Variants in CCDC171 observed in about 807,000 individuals in gnomAD.
CCDC171 encodes coiled-coil domain containing 171.
A neutral mutation model predicts 168.2 loss-of-function variants in CCDC171; 177 were observed. The observed-to-expected ratio is 1.05, with a 90% CI of 0.93 to 1.19. CCDC171 has a LOEUF of 1.19. Among genes scored for constraint, CCDC171 ranks in the 50% most tolerant of loss-of-function variants. The pLI is 0.00. For missense variants in CCDC171, 1,991 were observed against 1,539.0 expected (o/e 1.29, Z -4.91); for synonymous variants, 687 against 540.8 (o/e 1.27, Z -3.75).
At chr9:15,876,824 C>T (rs890123122) in intron 24 of CCDC171, among the ~76,000 whole-genome samples, 1 of 151,938 alleles carries the variant, frequency 6.6e-6, no homozygotes, top group Non-Finnish European at 1.5e-5. Flanking sequence ...TAACTTTGTA[C>T]TCTGACTCTG....
the CCDC171 span, among the ~76,000 whole-genome samples, chr9:16,082,922 T>G: frequency 2.6e-5 from 4 of 152,228 alleles, no homozygotes; most frequent in African/African-American, 9.6e-5. Context: ...CACTCCAACC[T>G]TATACTCACA....
At chr9:16,040,305 C>T (rs1234359215), upstream of CCDC171, among the ~76,000 whole-genome samples, 1 of 152,186 alleles carries the variant, frequency 6.6e-6, no homozygotes, top group Non-Finnish European at 1.5e-5. Flanking sequence ...CACACCTCCC[C>T]AGTGAAGGGA....
At chr9:15,641,355 C>G (rs2046588891) in intron 7 of CCDC171, among the ~76,000 whole-genome samples, 1 of 152,116 alleles carries the variant, frequency 6.6e-6, no homozygotes, top group Non-Finnish European at 1.5e-5. Context: ...TTCTTCTTGA[C>G]TAATTGTTTT....
At chr9:15,577,482 A>G (rs915644614) in intron 3 of CCDC171, among the ~76,000 whole-genome samples, 1 of 152,238 alleles carries the variant, frequency 6.6e-6, no homozygotes, top group Admixed American at 6.5e-5. Context: ...TGTATGCTGT[A>G]GATCACTAGA....
At chr9:15,617,518 A>C (rs1333831110) in intron 6 of CCDC171, among the ~76,000 whole-genome samples, 3 of 151,846 alleles carry the variant, frequency 2.0e-5, no homozygotes, top group African/African-American at 7.3e-5. Context: ...CTGGGACTAC[A>C]GGTGCACGCC....
At chr9:15,655,250 A>G (rs550375674) in intron 7 of CCDC171, among the ~76,000 whole-genome samples, 1 of 152,172 alleles carries the variant, frequency 6.6e-6, no homozygotes, top group African/African-American at 2.4e-5. Flanking sequence ...TTTTTCGCCA[A>G]ATTTCATCTA....
intron 25 of CCDC171, among the ~76,000 whole-genome samples, chr9:15,947,671 G>T (rs1828574681): frequency 6.6e-6 from 1 of 151,860 alleles, no homozygotes; most frequent in Non-Finnish European, 1.5e-5. Context: ...ACGAATGTGG[G>T]TATACAAATA....
At chr9:16,052,845 C>G (rs927473494) in intron 1 of CCDC171, among the ~76,000 whole-genome samples, 1 of 150,918 alleles carries the variant, frequency 6.6e-6, no homozygotes, top group Non-Finnish European at 1.5e-5. Context: ...AGTGAGTGAG[C>G]GTGTCCCATT....
intron 3 of CCDC171, among the ~76,000 whole-genome samples, chr9:15,992,890 A>T (rs919090297): frequency 3.3e-5 from 5 of 152,198 alleles, no homozygotes; most frequent in Non-Finnish European, 7.3e-5. Context: ...CTTACAAGGG[A>T]TGTGAAGGAC....
intron 11 of CCDC171, among the ~76,000 whole-genome samples, chr9:15,721,351 G>A (rs1243543286): frequency 1.3e-5 from 2 of 151,804 alleles, no homozygotes; most frequent in African/African-American, 2.4e-5. Flanking sequence ...CACAGTAAGT[G>A]TACATAACTC....
intron 1 of CCDC171, among the ~76,000 whole-genome samples, chr9:15,553,967 A>G (rs1392098978): frequency 2.0e-5 from 3 of 151,860 alleles, no homozygotes; most frequent in East Asian, 1.9e-4. Flanking sequence ...AATACATGAC[A>G]TACCGATGTT....
At position 15,591,349 on chromosome 9, in the gene CCDC171, T is replaced by G; in HGVS notation, c.353-17T>G. 5.3e-6 allele frequency: 8 copies of G among 1,499,918 alleles called. No homozygotes were observed. Among genetic ancestry groups the G allele is most frequent in the Non-Finnish European group, 7.3e-6 (8 of 1,099,966 alleles). The allele number at this position is 1,499,918 out of a possible 1,614,324, so 92.9% of individuals were successfully genotyped here. A position where few individuals can be genotyped will look rare whatever the true frequency, so the allele number is the denominator to read the frequency against. On this transcript the variant is annotated splice_polypyrimidine_tract_variant and intron_variant, in intron 4 of 25. Transcript: ENST00000380701. ...AATTCATGGTTGTAAATGTACCTATTATTCTATTCTTAATAGCACAGAATT... is the reference window on the plus strand; with the variant it reads ...AATTCATGGTTGTAAATGTACCTATGATTCTATTCTTAATAGCACAGAATT...
At chr9:16,016,358 A>G (rs1341469698) in intron 3 of CCDC171, among the ~76,000 whole-genome samples, 4 of 152,158 alleles carry the variant, frequency 2.6e-5, no homozygotes, top group Non-Finnish European at 5.9e-5. Context: ...CTCTTTTAGA[A>G]GAGTCTTCTT....
intron 16 of CCDC171, among the ~76,000 whole-genome samples, chr9:15,738,348 A>G (rs571160883): frequency 1.3e-5 from 2 of 152,348 alleles, no homozygotes; most frequent in Admixed American, 1.3e-4. Context: ...TGAATTTATT[A>G]GAGAGTAAAG....
At chr9:15,910,051 G>A (rs149746823) in intron 24 of CCDC171, among the ~76,000 whole-genome samples, 71 of 152,166 alleles carry the variant, frequency 4.7e-4, no homozygotes, top group African/African-American at 1.7e-3. Flanking sequence ...AGAACATGCA[G>A]TATTTGACTT....
intron 4 of CCDC171, chr9:15,587,570 A>G: frequency 2.2e-6 from 1 of 452,794 alleles, no homozygotes. Flanking sequence ...AGACGAATAC[A>G]AAGCCAGGAG....
intron 1 of CCDC171, among the ~76,000 whole-genome samples, chr9:16,059,948 G>T (rs953756124): frequency 6.6e-6 from 1 of 152,060 alleles, no homozygotes; most frequent in Admixed American, 6.5e-5. Context: ...AACCTGAGAT[G>T]AAGTCTGGAA....
At chr9:15,937,208 T>C (rs1236394537) in intron 25 of CCDC171, among the ~76,000 whole-genome samples, 1 of 152,050 alleles carries the variant, frequency 6.6e-6, no homozygotes, top group Non-Finnish European at 1.5e-5. Context: ...GGAAATAAAA[T>C]TGCAATTTTT....
chr9:15,754,690 A>G (rs1221259606), intron 18 of CCDC171, among the ~76,000 whole-genome samples: 1 of 152,142 alleles, frequency 6.6e-6, no homozygotes, highest in East Asian at 1.9e-4. Flanking sequence ...ACCTTGGGCA[A>G]GTTATTTAAA....
Sources: gnomAD v4.1 joint callset for allele counts (sites outside exome capture counted in the v4.1 genomes callset) on GRCh38, gnomAD v4.1.1 for gene constraint, MANE v1.5 for transcripts, NCBI Gene and HGNC (gene_info 2026-07-23, HGNC 2026-07-21) for gene names.